CDKN2D: variants seen among roughly 807,000 people sequenced by gnomAD.
The protein encoded by CDKN2D is cyclin-dependent kinase 4 inhibitor D.
Under a neutral mutation model 4.7 loss-of-function variants are expected in CDKN2D, and 3 were observed. The ratio of observed to expected loss-of-function variants is 0.64; its 90% CI spans 0.29 to 1.66. CDKN2D has a LOEUF of 1.66. Ranked by LOEUF, CDKN2D falls within the 40% of genes most tolerant of loss-of-function variation. The probability of loss-of-function intolerance (pLI) is 0.10; values close to 1 mark genes in which losing one functional copy is unlikely to be tolerated. For missense variants in CDKN2D, 196 were observed against 230.9 expected (o/e 0.85, Z 0.98); for synonymous variants, 91 against 102.3 (o/e 0.89, Z 0.67).
Position 10,566,799 on chromosome 19 carries a change from G to C in CDKN2D, c.*259C>G. 1 of 457,290 alleles carries C rather than the reference G, an allele frequency of 2.2e-6. No individual in the cohort carries two copies. Among genetic ancestry groups the C allele is most frequent in the Non-Finnish European group, 4.0e-6 (1 of 251,706 alleles). 28.3% of individuals were successfully genotyped at this position (457,290 alleles called of 1,614,324 possible). A position where few individuals can be genotyped will look rare whatever the true frequency, so the allele number is the denominator to read the frequency against. On this transcript the variant is annotated 3_prime_UTR_variant, in exon 2 of 2. Coordinates refer to ENST00000393599, the MANE Select transcript of CDKN2D (RefSeq NM_001800.4). The stretch of plus-strand genomic sequence containing the variant: ...GTCTGAGGCCCCAGCAGCCTGAGGC[G>C]CAGAAGAAACTGAACCGTTTAGGTG...
At position 10,567,319 on chromosome 19, in the gene CDKN2D, G is replaced by C. The variant is rs773650121; in HGVS notation, c.240C>G (p.Asp80Glu). Residue 80 changes from aspartate to glutamate, a missense_variant, in exon 2 of 2, where the codon GAC becomes GAG. By Grantham distance (45) the Asp-to-Glu change is conservative (BLOSUM62 2). Coordinates refer to ENST00000393599, the MANE Select transcript of CDKN2D (RefSeq NM_001800.4). ...TGTCCAGGAATCCAGTGCGGGCTGC[G>C]TCATGGACTGGACTGGTACCGGAGG... ...QDTSGTSPVH[D>E]AARTGFLDTL... is the part of the protein sequence containing the mutation. 1.2e-6 allele frequency: 2 copies of C among 1,614,056 alleles called. No individual in the cohort carries two copies. Among genetic ancestry groups the C allele is most frequent in the African/African-American group, 2.7e-5 (2 of 74,914 alleles).
rs980438726 is a variant in CDKN2D at position 10,568,854 on chromosome 19, G to A, written c.-201C>T. On this transcript the variant is annotated 5_prime_UTR_variant, in exon 1 of 2. Transcript: ENST00000393599. Reference sequence around the variant, plus strand: ...CTCCTCCCCCTGTCAGCCGGAGGACGGCGAGGGGCTGGGAGCCGGGCCCAA... The same window carrying A: ...CTCCTCCCCCTGTCAGCCGGAGGACAGCGAGGGGCTGGGAGCCGGGCCCAA... 13 of 313,056 alleles carry A rather than the reference G, an allele frequency of 4.2e-5. No individual in the cohort carries two copies. Among genetic ancestry groups the A allele is most frequent in the Non-Finnish European group, 5.7e-5 (10 of 174,528 alleles). The allele number at this position is 313,056 out of a possible 1,614,324, so 19.4% of individuals were successfully genotyped here.
At position 10,566,738 on chromosome 19, in the gene CDKN2D, A is replaced by T. The variant is rs1916905635; in HGVS notation, c.*320T>A. 1 of 352,336 alleles carries T rather than the reference A, an allele frequency of 2.8e-6. No individual in the cohort carries two copies. Among genetic ancestry groups the T allele is most frequent in the African/African-American group, 2.0e-5 (1 of 48,934 alleles). The allele number at this position is 352,336 out of a possible 1,614,324, so 21.8% of individuals were successfully genotyped here. A position where few individuals can be genotyped will look rare whatever the true frequency, so the allele number is the denominator to read the frequency against. On this transcript the variant is annotated 3_prime_UTR_variant, in exon 2 of 2. Coordinates refer to ENST00000393599, the MANE Select transcript of CDKN2D (RefSeq NM_001800.4). ...CCAGCTTCTAGGCTCCCTGGAGGTC[A>T]TGACTTCACTCTTAAATGCTCTGCC...
At chr19:10,568,215 G>A (rs546206420) in intron 1 of CDKN2D, among the ~76,000 whole-genome samples, 69 of 152,214 alleles carry the variant, frequency 4.5e-4, no homozygotes, top group African/African-American at 1.7e-3. Flanking sequence ...GCATCCAAAG[G>A]AGCTGAACCC....
chr19:10,567,914 G>A (rs1051562163), intron 1 of CDKN2D, among the ~76,000 whole-genome samples: 10 of 152,060 alleles, frequency 6.6e-5, no homozygotes, highest in African/African-American at 2.2e-4. Context: ...CTCCTTTCAA[G>A]AAGCGGGATT....
intron 1 of CDKN2D, 40 bp downstream of exon 1, chr19:10,568,473 C>T (rs760951781): frequency 6.0e-6 from 8 of 1,328,304 alleles, no homozygotes; most frequent in South Asian, 1.9e-5. Context: ...CCTCATCCCG[C>T]TTAGCCGCCC....
intron 1 of CDKN2D, among the ~76,000 whole-genome samples, chr19:10,568,204 G>A (rs1267825918): frequency 1.3e-5 from 2 of 152,042 alleles, no homozygotes; most frequent in East Asian, 1.9e-4. Context: ...CCATGGAAAC[G>A]GCATCCAAAG....
chr19:10,567,127 C>T lies in CDKN2D; in HGVS notation c.432G>A (p.Glu144=), dbSNP rs1281562953. 2 of 1,613,972 alleles carry T rather than the reference C, an allele frequency of 1.2e-6. No individual in the cohort carries two copies. The highest frequency in any genetic ancestry group is 2.7e-5 in the African/African-American group (2 of 74,926). ...CCTGAGCCCCTCTCTGCAGTGCCAG[C>T]TCCAAGGGTGTGAGACCCCTGGCGT... The part of the protein sequence containing the change: ...RRDARGLTPL[E]LALQRGAQDL... The change falls in exon 2 of 2, where the codon GAG becomes GAA. Residue 144 remains glutamate (E), a synonymous_variant. Coordinates refer to ENST00000393599, the MANE Select transcript of CDKN2D (RefSeq NM_001800.4).
chr19:10,567,150 C>G lies in CDKN2D; in HGVS notation c.409G>C (p.Ala137Pro), dbSNP rs370525024. The G allele has an allele frequency of 1.2e-6, 2 of 1,614,116 alleles. No individual in the cohort carries two copies. Among genetic ancestry groups the G allele is most frequent in the Non-Finnish European group, 1.7e-6 (2 of 1,180,028 alleles). Residue 137 changes from alanine to proline, a missense_variant, in exon 2 of 2, where the codon GCC becomes CCC. By Grantham distance (27) the Ala-to-Pro change is conservative. Coordinates refer to ENST00000393599, the MANE Select transcript of CDKN2D (RefSeq NM_001800.4). Reference sequence around the variant, plus strand: ...AGCTCCAAGGGTGTGAGACCCCTGGCGTCCCTGCGATGGAGATCAGATTCA... The same window carrying G: ...AGCTCCAAGGGTGTGAGACCCCTGGGGTCCCTGCGATGGAGATCAGATTCA... ...AAESDLHRRD[A>P]RGLTPLELAL...
chr19:10,567,801 T>C (rs988348481), intron 1 of CDKN2D, among the ~76,000 whole-genome samples: 3 of 151,588 alleles, frequency 2.0e-5, no homozygotes, highest in Non-Finnish European at 4.4e-5. Flanking sequence ...AAAGAATTGA[T>C]AGTCCTCATA....
Position 10,568,598 on chromosome 19 carries a change from C to T in CDKN2D, c.56G>A (p.Gly19Asp). 1 of 1,507,518 alleles carries T rather than the reference C, an allele frequency of 6.6e-7. No homozygotes were observed. The highest frequency in any genetic ancestry group is 8.8e-7 in the Non-Finnish European group (1 of 1,134,434). 93.4% of individuals were successfully genotyped at this position (1,507,518 alleles called of 1,614,324 possible). A position where few individuals can be genotyped will look rare whatever the true frequency, so the allele number is the denominator to read the frequency against. The change falls in exon 1 of 2, where the codon GGC (glycine) becomes GAC (aspartate). Residue 19 changes from glycine (G) to aspartate (D), a missense_variant. Transcript: ENST00000393599. ...GDRLSGAAAR[G>D]DVQEVRRLLH... ...AAGGCGGCGCACCTCCTGCACGTCG[C>T]CCCGGGCCGCCGCCCCACTCAGCCG...
In CDKN2D at chr19:10,568,540, G is replaced by A. The variant is rs1320500655; in HGVS notation, c.114C>T (p.Leu38=). Residue 38 remains leucine (L), a synonymous_variant, in exon 1 of 2, where the codon CTC becomes CTT. Transcript: ENST00000393599. ...GCAGCGCCGTCTTGCCGAAGCGGTT[G>A]AGGGCGTCGGGATGCACCAGCTCCC... The part of the protein sequence containing the change: ...LHRELVHPDA[L]NRFGKTALQV... The A allele has an allele frequency of 6.1e-6, 9 of 1,481,856 alleles. No homozygotes were observed. The highest frequency in any genetic ancestry group is 7.2e-6 in the Non-Finnish European group (8 of 1,115,994). 91.8% of individuals were successfully genotyped at this position (1,481,856 alleles called of 1,614,324 possible).
At position 10,566,672 on chromosome 19, in the gene CDKN2D, C is replaced by A. The variant is rs1916903916; in HGVS notation, c.*386G>T. ...CCCCCACCCCCCATGCCTGAAGCAA[C>A]GTGCACACTTCAGGTCTCTGAGCAC... On this transcript the variant is annotated 3_prime_UTR_variant, in exon 2 of 2. Transcript: ENST00000393599. 1 of 278,948 alleles carries A rather than the reference C, an allele frequency of 3.6e-6. No homozygotes were observed. The highest frequency in any genetic ancestry group is 5.3e-5 in the East Asian group (1 of 19,028). The allele number at this position is 278,948 out of a possible 1,614,324, so 17.3% of individuals were successfully genotyped here.
In CDKN2D at chr19:10,568,697, CG is replaced by C; in HGVS notation, c.-45del. On this transcript the variant is annotated 5_prime_UTR_variant, in exon 1 of 2. Coordinates refer to ENST00000393599, the MANE Select transcript of CDKN2D (RefSeq NM_001800.4). ...CAAAGCCCCCCGCCCCGCCCCAGCC[CG>C]GCGCTGTCAGCGCGGAGCAGCCGGC... is the stretch of plus-strand genomic sequence containing the variant. 1.5e-6 allele frequency: 2 copies of C among 1,309,382 alleles called. No homozygotes were observed. Among genetic ancestry groups the C allele is most frequent in the Non-Finnish European group, 1.9e-6 (2 of 1,030,836 alleles). The allele number at this position is 1,309,382 out of a possible 1,614,324, so 81.1% of individuals were successfully genotyped here.
Position 10,568,764 on chromosome 19 carries a change from T to C in CDKN2D, c.-111A>G. The C allele has an allele frequency of 1.5e-6, 1 of 661,282 alleles. No homozygotes were observed. The highest frequency in any genetic ancestry group is 7.4e-5 in the South Asian group (1 of 13,498). 41.0% of individuals were successfully genotyped at this position (661,282 alleles called of 1,614,324 possible). A position where few individuals can be genotyped will look rare whatever the true frequency, so the allele number is the denominator to read the frequency against. On this transcript the variant is annotated 5_prime_UTR_variant, in exon 1 of 2. Transcript: ENST00000393599. ...CAGCCCTCCCGGGGCGCGGCCGCGGTGCACCCGGCTGCGCTGCTCTCCCGT... is the reference window on the plus strand; with the variant it reads ...CAGCCCTCCCGGGGCGCGGCCGCGGCGCACCCGGCTGCGCTGCTCTCCCGT...
rs1306727768 is a variant in CDKN2D at position 10,568,537 on chromosome 19, G to A, written c.117C>T (p.Asn39=). Residue 39 remains asparagine, a synonymous_variant, in exon 1 of 2, where the codon AAC becomes AAT. Transcript: ENST00000393599. ...HRELVHPDAL[N]RFGKTALQVM... is the part of the protein sequence containing the mutation. The stretch of plus-strand genomic sequence containing the variant: ...CCTGCAGCGCCGTCTTGCCGAAGCG[G>A]TTGAGGGCGTCGGGATGCACCAGCT... 2 of 1,481,000 alleles carry A rather than the reference G, an allele frequency of 1.4e-6. No homozygotes were observed. Among genetic ancestry groups the A allele is most frequent in the South Asian group, 1.3e-5 (1 of 78,886 alleles). 91.7% of individuals were successfully genotyped at this position (1,481,000 alleles called of 1,614,324 possible).
chr19:10,568,090 T>G (rs1916952102), intron 1 of CDKN2D, among the ~76,000 whole-genome samples: 1 of 151,950 alleles, frequency 6.6e-6, no homozygotes, highest in Admixed American at 6.6e-5. Context: ...GTAACCAGAT[T>G]TGTCTCAGAG....
At chr19:10,568,370 T>TG in intron 1 of CDKN2D, 143 bp downstream of exon 1, 1 of 739,898 alleles carries the variant, frequency 1.4e-6, no homozygotes, top group Non-Finnish European at 1.8e-6. Context: ...AGGGGGACTG[T>TG]GGGGGAACAA....
At chr19:10,568,365 G>A (rs1316515178) in intron 1 of CDKN2D, 148 bp downstream of exon 1, 3 of 700,888 alleles carry the variant, frequency 4.3e-6, no homozygotes, top group Non-Finnish European at 6.0e-6. Flanking sequence ...TTCGAAGGGG[G>A]ACTGTGGGGG....
Sources: gnomAD v4.1 joint callset for allele counts (sites outside exome capture counted in the v4.1 genomes callset) on GRCh38, gnomAD v4.1.1 for gene constraint, MANE v1.5 for transcripts, NCBI Gene and HGNC (gene_info 2026-07-23, HGNC 2026-07-21) for gene names.